TSPAN33: variants seen among roughly 807,000 people sequenced by gnomAD.
The protein encoded by TSPAN33 is tetraspanin 33, also known as tetraspanin-33.
A neutral mutation model predicts 34.8 loss-of-function variants in TSPAN33; 27 were observed. The observed-to-expected ratio is 0.78, with a 90% CI of 0.57 to 1.07. TSPAN33 has a LOEUF of 1.07. TSPAN33 is among the 50% of genes least tolerant of loss of function. The probability of loss-of-function intolerance (pLI) is 0.00; values close to 1 mark genes in which losing one functional copy is unlikely to be tolerated. For missense variants in TSPAN33, 272 were observed against 324.9 expected, an observed-to-expected ratio of 0.84 and a Z score of 1.25; for synonymous variants, 119 against 124.2, an observed-to-expected ratio of 0.96 and a Z score of 0.28.
In TSPAN33 at chr7:129,169,280, C is replaced by A. The variant is rs1793194508; in HGVS notation, c.*1406C>A. On this transcript the variant is annotated 3_prime_UTR_variant, in exon 8 of 8. Coordinates refer to ENST00000486685, the MANE Select transcript of TSPAN33 (RefSeq NM_178562.5). ...AGCTCGGCGCGGTGCGCTGGGCCTC[C>A]TGGCGCCGGGAGGAGCGCGCGAGGC... The A allele has an allele frequency of 6.6e-6, 1 of 152,360 alleles. No individual in the cohort carries two copies. The highest frequency in any genetic ancestry group is 2.4e-5 in the African/African-American group (1 of 41,438). 9.4% of individuals were successfully genotyped at this position (152,360 alleles called of 1,614,324 possible).
intron 1 of TSPAN33, among the ~76,000 whole-genome samples, chr7:129,159,362 A>G (rs1793016761): frequency 6.6e-6 from 1 of 152,150 alleles, no homozygotes; most frequent in Non-Finnish European, 1.5e-5. Context: ...GCCTGACCCC[A>G]CATTTTCTTT....
rs1340986518 is a variant in TSPAN33 at position 129,167,157 on chromosome 7, A to C, written c.589-242A>C. 6.6e-6 allele frequency among the ~76,000 whole-genome samples: 1 copy of C among 152,242 alleles called. No homozygotes were observed. Among genetic ancestry groups the C allele is most frequent in the Non-Finnish European group, 1.5e-5 (1 of 68,042 alleles). On this transcript the variant is annotated intron_variant, in intron 6 of 7. Coordinates refer to ENST00000486685, the MANE Select transcript of TSPAN33 (RefSeq NM_178562.5). This position sits in a 1 kb window ranked among gnomAD's most constrained non-coding sequence, Gnocchi z 4.6. ...AGTACCTGTGCAGGTTTGTTATATA[A>C]GTAAACTTGTGTCTTAGGGGTTTGT...
chr7:129,160,609 A>G lies in TSPAN33; in HGVS notation c.103-1070A>G, dbSNP rs149597779. On this transcript the variant is annotated intron_variant, in intron 1 of 7. Coordinates refer to ENST00000486685, the MANE Select transcript of TSPAN33 (RefSeq NM_178562.5). ...ATTTGAAAGATCTAAACTCCTCTCT[A>G]TTCCTCCACACTGGAATCAGAGTTT... is the stretch of plus-strand genomic sequence containing the variant. Among the ~76,000 whole-genome samples, 52 of 152,268 alleles carry G rather than the reference A, an allele frequency of 3.4e-4. No individual in the cohort carries two copies. In the East Asian group the frequency reaches 7.7e-3, roughly 23 times the overall value.
Position 129,167,287 on chromosome 7 carries a change from T to C in TSPAN33, c.589-112T>C. ...CTTCCAACCCAATATCCTCCACATA[T>C]ATTCTCTGACAATTTAGGAGTTTGG... On this transcript the variant is annotated intron_variant, in intron 6 of 7. Transcript: ENST00000486685. This position sits in a 1 kb window ranked among gnomAD's most constrained non-coding sequence, Gnocchi z 4.6. 1.5e-6 allele frequency: 2 copies of C among 1,312,124 alleles called. No individual in the cohort carries two copies. The highest frequency in any genetic ancestry group is 1.5e-5 in the African/African-American group (1 of 67,912). The allele number at this position is 1,312,124 out of a possible 1,614,324, so 81.3% of individuals were successfully genotyped here.
intron 1 of TSPAN33, among the ~76,000 whole-genome samples, chr7:129,151,818 C>G (rs1167296517): frequency 2.6e-5 from 4 of 152,102 alleles, no homozygotes; most frequent in Admixed American, 6.5e-5. Flanking sequence ...TTAGAGTATG[C>G]CTGCGTTGTT....
At chr7:129,145,451 T>C (rs1161973723) in intron 1 of TSPAN33, among the ~76,000 whole-genome samples, 1 of 151,914 alleles carries the variant, frequency 6.6e-6, no homozygotes, top group Non-Finnish European at 1.5e-5. Context: ...GAGGCCCGGC[T>C]GGCAAAGAAA....
Position 129,165,024 on chromosome 7 carries a change from T to C in TSPAN33, c.459+455T>C, listed in dbSNP as rs1410618574. On this transcript the variant is annotated intron_variant, in intron 5 of 7. Transcript: ENST00000486685. The surrounding 1 kb of genome is among the most constrained non-coding windows in gnomAD (Gnocchi z 4.5). ...TACATAATGTAAAATTTACCATTTT[T>C]AAGCATACAGATCCGTGGCATGAAG... The C allele has an allele frequency of 6.2e-6, 1 of 161,326 alleles. No individual in the cohort carries two copies. The highest frequency in any genetic ancestry group is 1.4e-5 in the Non-Finnish European group (1 of 73,280). The allele number at this position is 161,326 out of a possible 1,614,324, so 10.0% of individuals were successfully genotyped here.
rs1483011242 is a variant in TSPAN33 at position 129,167,803 on chromosome 7, G to C, written c.781G>C (p.Val261Leu). ...LVGILLSQIL[V>L]NQIKDQIKLQ... ...GGGAATTCTGCTGTCCCAGATCCTA[G>C]TGAATCAGATCAAAGATCAGATCAA... The change falls in exon 8 of 8, where the codon GTG becomes CTG. Residue 261 changes from valine to leucine, a missense_variant. Coordinates refer to ENST00000486685, the MANE Select transcript of TSPAN33 (RefSeq NM_178562.5). The surrounding 1 kb of genome is among the most constrained non-coding windows in gnomAD (Gnocchi z 4.6). The C allele has an allele frequency of 4.3e-6, 7 of 1,614,070 alleles. No homozygotes were observed. The Admixed American group carries it at 1.2e-4, about 27-fold the overall frequency.
Position 129,162,481 on chromosome 7 carries a change from GCA to G in TSPAN33, c.249_250del (p.Ile84TrpfsTer44). 1 of 1,613,850 alleles carries G rather than the reference GCA, an allele frequency of 6.2e-7. No homozygotes were observed. The highest frequency in any genetic ancestry group is 8.5e-7 in the Non-Finnish European group (1 of 1,180,026). On this transcript the variant is annotated frameshift_variant, in exon 3 of 8. Coordinates refer to ENST00000486685, the MANE Select transcript of TSPAN33 (RefSeq NM_178562.5). LOFTEE classifies it high-confidence loss of function. ...ATGTTCCTGCTCACCTTCTGTGGCTGCATTGGGTCCCTCCGCGAGAACATCTG... is the reference window on the plus strand; with the variant it reads ...ATGTTCCTGCTCACCTTCTGTGGCTGTTGGGTCCCTCCGCGAGAACATCTG...
chr7:129,162,756 C>G, intron 3 of TSPAN33, 77 bp from the exon 4 acceptor site: 1 of 1,527,226 alleles, frequency 6.5e-7, no homozygotes, highest in Non-Finnish European at 9.0e-7. Context: ...CCTGGCAGCT[C>G]CCAGCATCCC....
In TSPAN33 at chr7:129,168,017, G is replaced by A; in HGVS notation, c.*143G>A. The A allele has an allele frequency of 6.8e-7, 1 of 1,463,464 alleles. No individual in the cohort carries two copies. The highest frequency in any genetic ancestry group is 2.3e-5 in the Admixed American group (1 of 42,756). The allele number at this position is 1,463,464 out of a possible 1,614,324, so 90.7% of individuals were successfully genotyped here. On this transcript the variant is annotated 3_prime_UTR_variant, in exon 8 of 8. Transcript: ENST00000486685. Reference sequence around the variant, plus strand: ...GTGGGAAGAAGCAAACTCCAGATGGGCAGAAGGCAGGGTGCACAGGTGGCT... The same window carrying A: ...GTGGGAAGAAGCAAACTCCAGATGGACAGAAGGCAGGGTGCACAGGTGGCT...
At chr7:129,158,725 T>G (rs1302902578) in intron 1 of TSPAN33, among the ~76,000 whole-genome samples, 2 of 152,208 alleles carry the variant, frequency 1.3e-5, no homozygotes, top group African/African-American at 4.8e-5. Flanking sequence ...TGCGTAGTAT[T>G]CCATGGTATA....
intron 1 of TSPAN33, among the ~76,000 whole-genome samples, chr7:129,146,915 A>C (rs1344890994): frequency 3.3e-5 from 5 of 151,604 alleles, no homozygotes; most frequent in Admixed American, 3.3e-4. Context: ...AGCTGGGTGC[A>C]TCTGTTACAC....
chr7:129,160,757 G>T (rs1793036276), intron 1 of TSPAN33, among the ~76,000 whole-genome samples: 1 of 152,198 alleles, frequency 6.6e-6, no homozygotes, highest in South Asian at 2.1e-4. Context: ...CTCTAAGAGG[G>T]TTAGAGAGCT....
chr7:129,162,685 C>T (rs2177950), intron 3 of TSPAN33, 148 bp from the exon 4 acceptor site: 282,528 of 1,398,628 alleles, frequency 0.2, 29,026 homozygotes, highest in Admixed American at 0.26. Context: ...GGGTGGCCAC[C>T]CCCAAGACAG....
chr7:129,146,942 T>G (rs1189184663), intron 1 of TSPAN33, among the ~76,000 whole-genome samples: 1 of 151,304 alleles, frequency 6.6e-6, no homozygotes, highest in African/African-American at 2.4e-5. Flanking sequence ...TCCTGGTCAT[T>G]TTTTTTTTCT....
Position 129,161,724 on chromosome 7 carries a change from A to T in TSPAN33, c.148A>T (p.Met50Leu). The T allele has an allele frequency of 1.2e-5, 19 of 1,614,160 alleles. No individual in the cohort carries two copies. Among genetic ancestry groups the T allele is most frequent in the Non-Finnish European group, 1.6e-5 (19 of 1,180,014 alleles). ...MVAVGVYARL[M>L]KHAEAALACL... ...GGCTGTGGGTGTCTACGCTCGGCTA[A>T]TGAAGCATGCAGGTGAGCTGTAGCT... Residue 50 changes from methionine (M) to leucine (L), a missense_variant, in exon 2 of 8, where the codon ATG becomes TTG. Coordinates refer to ENST00000486685, the MANE Select transcript of TSPAN33 (RefSeq NM_178562.5).
At position 129,145,056 on chromosome 7, in the gene TSPAN33, CTCT is replaced by C. The variant is rs1005096966; in HGVS notation, c.85_87del (p.Phe29del). The C allele has an allele frequency of 2.0e-5, 15 of 732,284 alleles. No homozygotes were observed. The highest frequency in any genetic ancestry group is 3.0e-5 in the Non-Finnish European group (12 of 395,910). 45.4% of individuals were successfully genotyped at this position (732,284 alleles called of 1,614,324 possible). A position where few individuals can be genotyped will look rare whatever the true frequency, so the allele number is the denominator to read the frequency against. On this transcript the variant is annotated inframe_deletion, in exon 1 of 8. Transcript: ENST00000486685. ...CGTCAGCCCGCTGGTGAAATACCTG[CTCT>C]TCTTCTTCAACATGCTCTTCTGGGT...
At chr7:129,162,975 G>A in intron 4 of TSPAN33, 68 bp downstream of exon 4, 1 of 1,474,308 alleles carries the variant, frequency 6.8e-7, no homozygotes, top group Non-Finnish European at 9.4e-7. Context: ...TCCTGCCCAT[G>A]TTTAGCCTGG....
Sources: gnomAD v4.1 joint callset for allele counts (sites outside exome capture counted in the v4.1 genomes callset) on GRCh38, gnomAD v4.1.1 for gene constraint, Gnocchi (gnomAD v3.1) non-coding constraint, MANE v1.5 for transcripts, NCBI Gene and HGNC (gene_info 2026-07-23, HGNC 2026-07-21) for gene names.